The following CNTNAP5 variants were observed in gnomAD, a reference collection of about 807,000 sequenced individuals.
CNTNAP5 encodes the protein contactin-associated protein-like 5.
CNTNAP5 carries 72 observed loss-of-function variants against 150.2 expected under a neutral mutation model. That is an observed-to-expected ratio of 0.48 (90% CI 0.40 to 0.58). The LOEUF is 0.58. Among genes scored for constraint, CNTNAP5 ranks in the 20% least tolerant of loss-of-function variants. The probability of loss-of-function intolerance (pLI) is 0.00; values close to 1 mark genes in which losing one functional copy is unlikely to be tolerated. For missense variants in CNTNAP5, 1,636 were observed against 1,626.2 expected (o/e 1.01, Z -0.10); for synonymous variants, 672 against 619.8 (o/e 1.08, Z -1.25).
rs1238288039 is a variant in CNTNAP5, at chr2:124,510,279, C to CTATATATATATCTATATATCTATATATA, written c.1327+5728_1327+5729insATATATCTATATATCTATATATATATAT. Reference sequence around the variant, plus strand: ...TATCTATATATCTATATATCTATATCTATATCTATATATCTATATATCTAT... The same window carrying CTATATATATATCTATATATCTATATATA: ...TATCTATATATCTATATATCTATATCTATATATATATCTATATATCTATATATATATATCTATATATCTATATATCTAT... On this transcript the variant is annotated intron_variant, in intron 8 of 23. Transcript: ENST00000682447. Among the ~76,000 whole-genome samples the CTATATATATATCTATATATCTATATATA allele has an allele frequency of 9.5e-3, 671 of 70,968 alleles. 31 individuals are homozygous for CTATATATATATCTATATATCTATATATA. Among genetic ancestry groups the CTATATATATATCTATATATCTATATATA allele is most frequent in the African/African-American group, 0.026 (503 of 19,012 alleles). 46.6% of individuals were successfully genotyped at this position (70,968 alleles called of 152,430 possible).
chr2:124,214,238 C>T (rs1382132481), intron 1 of CNTNAP5, among the ~76,000 whole-genome samples: 1 of 152,118 alleles, frequency 6.6e-6, no homozygotes, highest in Non-Finnish European at 1.5e-5. Context: ...GATGTCCTCC[C>T]ACCAAGCCAC....
intron 12 of CNTNAP5, among the ~76,000 whole-genome samples, chr2:124,639,237 G>A (rs1420137222): frequency 1.3e-5 from 2 of 152,176 alleles, no homozygotes; most frequent in African/African-American, 4.8e-5. Flanking sequence ...TAAATGCGAC[G>A]AGCACGGGAT....
At chr2:124,795,539 A>T (rs2104638893) in intron 18 of CNTNAP5, among the ~76,000 whole-genome samples, 1 of 152,046 alleles carries the variant, frequency 6.6e-6, no homozygotes. Flanking sequence ...GTTTTGTTTG[A>T]CAGAGTCTCA....
At chr2:124,450,636 T>G (rs1484950346) in intron 6 of CNTNAP5, among the ~76,000 whole-genome samples, 1 of 151,334 alleles carries the variant, frequency 6.6e-6, no homozygotes, top group Admixed American at 6.6e-5. Flanking sequence ...TTTACATCAC[T>G]TAACCCATGT....
At chr2:124,647,043 CA>C (rs1256870077) in intron 12 of CNTNAP5, among the ~76,000 whole-genome samples, 4 of 152,152 alleles carry the variant, frequency 2.6e-5, no homozygotes, top group African/African-American at 9.7e-5. Flanking sequence ...ATACAGGCTT[CA>C]AATACAGATC....
intron 1 of CNTNAP5, among the ~76,000 whole-genome samples, chr2:124,056,226 T>C (rs1681842327): frequency 6.6e-6 from 1 of 152,166 alleles, no homozygotes; most frequent in Non-Finnish European, 1.5e-5. Flanking sequence ...TAGAAAGGCT[T>C]CCAAATTAGA....
chr2:124,451,045 A>ATATATAT (rs1287236471), intron 6 of CNTNAP5, among the ~76,000 whole-genome samples: 34 of 75,272 alleles, frequency 4.5e-4, no homozygotes, highest in South Asian at 2.8e-3. Flanking sequence ...AAAAAAAAAA[A>ATATATAT]AAAAAAATAT....
At chr2:124,309,429 G>C (rs1573906863) in intron 3 of CNTNAP5, among the ~76,000 whole-genome samples, 1 of 152,210 alleles carries the variant, frequency 6.6e-6, no homozygotes, top group African/African-American at 2.4e-5. Context: ...TGTCAGGAGT[G>C]AGATTGTTTG....
intron 3 of CNTNAP5, among the ~76,000 whole-genome samples, chr2:124,348,504 A>G (rs1403824114): frequency 6.6e-6 from 1 of 152,180 alleles, no homozygotes; most frequent in East Asian, 1.9e-4. Flanking sequence ...AGAAACTTTT[A>G]AAGAAATGTT....
chr2:124,271,238 G>T (rs780032), intron 3 of CNTNAP5, among the ~76,000 whole-genome samples: 44,891 of 151,842 alleles, frequency 0.3, 7,213 homozygotes, highest in Admixed American at 0.38. Flanking sequence ...CTTGAGAGAA[G>T]CACAGAATTT....
At chr2:124,688,401 C>T (rs1186101334) in intron 13 of CNTNAP5, among the ~76,000 whole-genome samples, 6 of 151,956 alleles carry the variant, frequency 3.9e-5, no homozygotes, top group African/African-American at 1.5e-4. Flanking sequence ...AAATCGCTAC[C>T]ACTTGAGGTA....
chr2:124,152,691 C>T (rs926453242), intron 1 of CNTNAP5, among the ~76,000 whole-genome samples: 2 of 151,962 alleles, frequency 1.3e-5, no homozygotes, highest in African/African-American at 4.8e-5. Flanking sequence ...CCAAGCAAGG[C>T]GATGTCACAG....
At chr2:124,337,615 G>A (rs541121225) in intron 3 of CNTNAP5, among the ~76,000 whole-genome samples, 90 of 152,190 alleles carry the variant, frequency 5.9e-4, no homozygotes, top group African/African-American at 1.5e-3. Context: ...TCCCATCACC[G>A]TTTATTAAAT....
intron 23 of CNTNAP5, among the ~76,000 whole-genome samples, chr2:124,913,275 CAG>C (rs1678692148): frequency 6.6e-6 from 1 of 152,078 alleles, no homozygotes; most frequent in Non-Finnish European, 1.5e-5. Context: ...TACATTCATG[CAG>C]AGACACATCT....
intron 1 of CNTNAP5, among the ~76,000 whole-genome samples, chr2:124,080,489 C>T (rs992748364): frequency 1.3e-5 from 2 of 152,154 alleles, no homozygotes; most frequent in Non-Finnish European, 2.9e-5. Flanking sequence ...TGACTTTGAA[C>T]CGCTGCATGA....
intron 3 of CNTNAP5, among the ~76,000 whole-genome samples, chr2:124,400,903 G>A (rs896156718): frequency 1.3e-5 from 2 of 151,314 alleles, no homozygotes; most frequent in East Asian, 1.9e-4. Flanking sequence ...ACCGAGTCTC[G>A]CTCTGTTGCC....
intron 3 of CNTNAP5, among the ~76,000 whole-genome samples, chr2:124,318,385 A>C (rs956211678): frequency 6.6e-6 from 1 of 152,192 alleles, no homozygotes; most frequent in Non-Finnish European, 1.5e-5. Flanking sequence ...TATAAGGCCT[A>C]GTGTTAAATT....
intron 4 of CNTNAP5, among the ~76,000 whole-genome samples, chr2:124,424,098 A>G (rs72966659): frequency 0.14 from 21,917 of 152,192 alleles, 1,789 homozygotes; most frequent in Non-Finnish European, 0.19. Flanking sequence ...CCTTGCTCCT[A>G]TTTGGTTAAT....
At chr2:124,762,980 A>G (rs574641644) in intron 14 of CNTNAP5, among the ~76,000 whole-genome samples, 1 of 152,074 alleles carries the variant, frequency 6.6e-6, no homozygotes, top group Non-Finnish European at 1.5e-5. Context: ...TTCTCAGCCA[A>G]ATGATGTGGC....
Sources: gnomAD v4.1 joint callset for allele counts (sites outside exome capture counted in the v4.1 genomes callset) on GRCh38, gnomAD v4.1.1 for gene constraint, MANE v1.5 for transcripts, NCBI Gene and HGNC (gene_info 2026-07-23, HGNC 2026-07-21) for gene names.